ZBTB44: variants seen among roughly 807,000 people sequenced by gnomAD.
The protein encoded by ZBTB44 is zinc finger and BTB domain-containing protein 44.
ZBTB44 carries 15 observed loss-of-function variants against 54.0 expected under a neutral mutation model. The observed-to-expected ratio is 0.28, with a 90% CI of 0.19 to 0.43. ZBTB44 has a LOEUF of 0.43. Ranked by LOEUF, ZBTB44 falls within the 20% of genes least tolerant of loss-of-function variation. ZBTB44 has a pLI of 1.00. For synonymous variants in ZBTB44, 230 were observed against 250.1 expected (o/e 0.92, Z 0.76); for missense variants, 487 against 707.1 (o/e 0.69, Z 3.53).
intron 1 of ZBTB44, among the ~76,000 whole-genome samples, chr11:130,281,359 A>G (rs1940484492): frequency 6.6e-6 from 1 of 151,868 alleles, no homozygotes; most frequent in Non-Finnish European, 1.5e-5. Context: ...GTCTCCACAA[A>G]AAATACAAAA....
intron 2 of ZBTB44, among the ~76,000 whole-genome samples, chr11:130,253,268 A>G (rs1938166967): frequency 6.6e-6 from 1 of 152,196 alleles, no homozygotes; most frequent in African/African-American, 2.4e-5. Flanking sequence ...CGAAAAGAGG[A>G]AGTCAAATTG....
chr11:130,260,873 G>A lies in ZBTB44; in HGVS notation c.1001C>T (p.Pro334Leu). The change falls in exon 2 of 8, where the codon CCA (proline) becomes CTA (leucine). Residue 334 changes from proline (P) to leucine (L), a missense_variant. By Grantham distance (98) the Pro-to-Leu change is moderately conservative (BLOSUM62 -3). Coordinates refer to ENST00000357899, the MANE Select transcript of ZBTB44 (RefSeq NM_001301098.2). ...CATTATACCTATAGAGGAAGACTGT[G>A]GACTAATCAGAAGGTCCTCTTGGAC... Reference protein sequence around the residue: ...EQVQEDLLISPQSSSIGSVDE... With the variant: ...EQVQEDLLISLQSSSIGSVDE... 6.2e-7 allele frequency: 1 copy of A among 1,613,312 alleles called. No homozygotes were observed. The highest frequency in any genetic ancestry group is 8.5e-7 in the Non-Finnish European group (1 of 1,179,698).
chr11:130,264,804 T>C (rs1392736171), intron 1 of ZBTB44, among the ~76,000 whole-genome samples: 1 of 152,238 alleles, frequency 6.6e-6, no homozygotes, highest in Admixed American at 6.5e-5. Flanking sequence ...TTTGCTTTAT[T>C]AAACTTTGCA....
chr11:130,280,013 G>A lies in ZBTB44; in HGVS notation c.-56-18084C>T, dbSNP rs963088651. Among the ~76,000 whole-genome samples the A allele has an allele frequency of 1.2e-4, 19 of 152,182 alleles. No individual in the cohort carries two copies. The East Asian group carries it at 3.7e-3, about 29-fold the overall frequency. The stretch of plus-strand genomic sequence containing the variant: ...TGCTCTAGGAGCTGAGTACTTGGCA[G>A]AAAGGGGGACAGCAACCTGAAGACT... On this transcript the variant is annotated intron_variant, in intron 1 of 7. Transcript: ENST00000357899.
chr11:130,259,442 C>T (rs1938687378), intron 2 of ZBTB44, among the ~76,000 whole-genome samples: 1 of 152,212 alleles, frequency 6.6e-6, no homozygotes, highest in Non-Finnish European at 1.5e-5. Context: ...ACCCAGCCAT[C>T]CCATTACTGG....
At chr11:130,278,773 C>T (rs1026460100) in intron 1 of ZBTB44, among the ~76,000 whole-genome samples, 2 of 151,964 alleles carry the variant, frequency 1.3e-5, no homozygotes, top group African/African-American at 4.8e-5. Flanking sequence ...ATTGTTTTTT[C>T]AATAATTTTT....
chr11:130,299,930 G>A (rs189411891), intron 1 of ZBTB44, among the ~76,000 whole-genome samples: 10 of 152,284 alleles, frequency 6.6e-5, no homozygotes, highest in Admixed American at 4.6e-4. Flanking sequence ...AGAGATGAAT[G>A]AATTAATGAG....
chr11:130,240,758 A>G (rs546339063), intron 2 of ZBTB44, among the ~76,000 whole-genome samples: 4 of 152,122 alleles, frequency 2.6e-5, no homozygotes, highest in Non-Finnish European at 5.9e-5. Flanking sequence ...TTTAAAAGTA[A>G]TTTTATCTTG....
intron 2 of ZBTB44, among the ~76,000 whole-genome samples, chr11:130,251,082 C>T (rs574937843): frequency 1.3e-5 from 2 of 152,238 alleles, no homozygotes; most frequent in South Asian, 2.1e-4. Context: ...TAGAATAACC[C>T]GTTTACGGAA....
At chr11:130,292,155 T>G (rs1036076899) in intron 1 of ZBTB44, among the ~76,000 whole-genome samples, 4 of 152,254 alleles carry the variant, frequency 2.6e-5, no homozygotes, top group Non-Finnish European at 4.4e-5. Flanking sequence ...ACAATCTGTT[T>G]ATCATTTAAT....
chr11:130,280,137 A>G (rs1940399153), intron 1 of ZBTB44, among the ~76,000 whole-genome samples: 1 of 152,174 alleles, frequency 6.6e-6, no homozygotes, highest in African/African-American at 2.4e-5. Context: ...CCTTCATTTC[A>G]TTAGCAGGGG....
chr11:130,313,569 C>A (rs1343009105), intron 1 of ZBTB44, among the ~76,000 whole-genome samples: 1 of 152,146 alleles, frequency 6.6e-6, no homozygotes. Flanking sequence ...AAATCAAAAT[C>A]GTGCAGCTTG....
chr11:130,293,471 C>CA (rs1197563571), intron 1 of ZBTB44, among the ~76,000 whole-genome samples: 3,725 of 78,512 alleles, frequency 0.047, 91 homozygotes, highest in African/African-American at 0.074. Context: ...GATCTTGTAT[C>CA]AAAAAAAAAA....
At chr11:130,273,660 C>A (rs1274366228) in intron 1 of ZBTB44, among the ~76,000 whole-genome samples, 2 of 152,184 alleles carry the variant, frequency 1.3e-5, no homozygotes, top group Non-Finnish European at 2.9e-5. Context: ...TAAGACAACT[C>A]ATGTTTGTAT....
intron 1 of ZBTB44, among the ~76,000 whole-genome samples, chr11:130,272,734 A>G (rs1326475015): frequency 1.4e-5 from 2 of 144,072 alleles, no homozygotes; most frequent in African/African-American, 2.5e-5. Flanking sequence ...CCTTTAACCT[A>G]TTTTGAGTTA....
At chr11:130,268,576 A>AATTTT (rs556324867) in intron 1 of ZBTB44, among the ~76,000 whole-genome samples, 1 of 151,870 alleles carries the variant, frequency 6.6e-6, no homozygotes, top group Non-Finnish European at 1.5e-5. Flanking sequence ...CCCTGTCTCA[A>AATTTT]ATTTTATTTT....
intron 1 of ZBTB44, among the ~76,000 whole-genome samples, chr11:130,282,526 T>C (rs1357734968): frequency 6.6e-6 from 1 of 152,240 alleles, no homozygotes; most frequent in Non-Finnish European, 1.5e-5. Flanking sequence ...ATTCTACTCA[T>C]GCTGGACACT....
chr11:130,270,663 AT>A (rs1337793296), intron 1 of ZBTB44, among the ~76,000 whole-genome samples: 6 of 152,178 alleles, frequency 3.9e-5, no homozygotes, highest in African/African-American at 1.4e-4. Context: ...CATCTGAGAA[AT>A]ATTTAGAATG....
chr11:130,254,303 T>G (rs9734573), intron 2 of ZBTB44, among the ~76,000 whole-genome samples: 5 of 152,024 alleles, frequency 3.3e-5, no homozygotes, highest in Admixed American at 2.6e-4. Flanking sequence ...GGGAGAAAAT[T>G]TTTACAATCT....
Sources: allele counts gnomAD v4.1 joint callset (sites outside exome capture counted in the v4.1 genomes callset), GRCh38; gene constraint gnomAD v4.1.1; transcripts MANE v1.5; gene names NCBI Gene and HGNC (gene_info 2026-07-23, HGNC 2026-07-21).